Variants in PTPRS observed in about 807,000 individuals in gnomAD.
PTPRS encodes protein tyrosine phosphatase receptor type S.
PTPRS carries 63 observed loss-of-function variants against 215.3 expected under a neutral mutation model. That is an observed-to-expected ratio of 0.29 (90% CI 0.24 to 0.36). PTPRS has a LOEUF of 0.36. Among genes scored for constraint, PTPRS ranks in the 10% least tolerant of loss-of-function variants. The probability of loss-of-function intolerance (pLI) is 1.00; values close to 1 mark genes in which losing one functional copy is unlikely to be tolerated. For missense variants in PTPRS, 2,258 were observed against 2,825.8 expected (o/e 0.80, Z 4.56); for synonymous variants, 1,404 against 1,191.4 (o/e 1.18, Z -3.68).
intron 1 of PTPRS, among the ~76,000 whole-genome samples, chr19:5,329,151 C>T (rs886754898): frequency 1.3e-5 from 2 of 151,968 alleles, no homozygotes; most frequent in African/African-American, 4.8e-5. Context: ...AACAGAGCTC[C>T]CGGCAGAGCA....
At chr19:5,223,553 G>A (rs1228549803) in intron 17 of PTPRS, among the ~76,000 whole-genome samples, 13 of 115,396 alleles carry the variant, frequency 1.1e-4, no homozygotes, top group African/African-American at 4.1e-4. Flanking sequence ...ACCCAGCTGC[G>A]GTTGTGATTT....
intron 1 of PTPRS, among the ~76,000 whole-genome samples, chr19:5,312,591 A>T (rs1446031101): frequency 6.6e-6 from 1 of 152,154 alleles, no homozygotes; most frequent in African/African-American, 2.4e-5. Context: ...AGCCTAGGAG[A>T]TGGAGGCGGC....
chr19:5,315,099 A>G (rs1411991950), intron 1 of PTPRS, among the ~76,000 whole-genome samples: 1 of 151,736 alleles, frequency 6.6e-6, no homozygotes, highest in African/African-American at 2.4e-5. Flanking sequence ...CCTAGAACAC[A>G]CTTCCCTCCC....
At chr19:5,326,356 TC>T (rs2050166415) in intron 1 of PTPRS, among the ~76,000 whole-genome samples, 1 of 152,236 alleles carries the variant, frequency 6.6e-6, no homozygotes, top group South Asian at 2.1e-4. Context: ...GCTTCAGCTT[TC>T]AGCCTGGAAC....
At chr19:5,207,694 CA>C (rs2040490883) in intron 37 of PTPRS, among the ~76,000 whole-genome samples, 1 of 152,208 alleles carries the variant, frequency 6.6e-6, no homozygotes, top group Admixed American at 6.5e-5. Flanking sequence ...GCAATGAGCC[CA>C]TCTCTGTCCA....
chr19:5,294,964 T>C lies in PTPRS; in HGVS notation c.-94-8730A>G, dbSNP rs1234664377. On this transcript the variant is annotated intron_variant, in intron 1 of 37. Transcript: ENST00000262963. This position sits in a 1 kb window ranked among gnomAD's most constrained non-coding sequence, Gnocchi z 5.1. Reference sequence around the variant, plus strand: ...GAGGAGGCTGCCTGGTGCCCCAGCATCACCAAAGGCACACAGGAGGTTCCC... The same window carrying C: ...GAGGAGGCTGCCTGGTGCCCCAGCACCACCAAAGGCACACAGGAGGTTCCC... 2.0e-5 allele frequency among the ~76,000 whole-genome samples: 3 copies of C among 152,134 alleles called. No individual in the cohort carries two copies. The highest frequency in any genetic ancestry group is 2.4e-5 in the African/African-American group (1 of 41,422).
chr19:5,221,330 C>A (rs2041958575), intron 19 of PTPRS, 77 bp from the exon 20 acceptor site: 1 of 1,534,000 alleles, frequency 6.5e-7, no homozygotes, highest in South Asian at 1.3e-5. Context: ...GGATGAGTCC[C>A]CCACCCTGAC....
At chr19:5,239,136 G>C in intron 12 of PTPRS, 73 bp from the exon 13 acceptor site, 12 of 1,152,358 alleles carry the variant, frequency 1.0e-5, no homozygotes, top group South Asian at 9.4e-5. Flanking sequence ...AGGGGAGAGA[G>C]AGAGAGACAG....
At chr19:5,320,413 C>T (rs547341724) in intron 1 of PTPRS, among the ~76,000 whole-genome samples, 1 of 152,352 alleles carries the variant, frequency 6.6e-6, no homozygotes, top group East Asian at 1.9e-4. Flanking sequence ...GCCTGATAAA[C>T]ATCTAGCAAA....
At chr19:5,207,847 C>T in intron 37 of PTPRS, 75 bp downstream of exon 37, 3 of 1,574,504 alleles carry the variant, frequency 1.9e-6, no homozygotes, top group Non-Finnish European at 2.6e-6. Flanking sequence ...ACCCATCTCA[C>T]AGAGGAGGAA....
chr19:5,267,572 G>A (rs1308410817), intron 4 of PTPRS, among the ~76,000 whole-genome samples: 4 of 151,482 alleles, frequency 2.6e-5, no homozygotes, highest in East Asian at 1.9e-4. Context: ...CAGAAGAATC[G>A]CTTAAACCCA....
chr19:5,310,520 G>A lies in PTPRS; in HGVS notation c.-94-24286C>T, dbSNP rs527735954. Among the ~76,000 whole-genome samples, 12 of 151,980 alleles carry A rather than the reference G, an allele frequency of 7.9e-5. 1 individual carries two copies. Among genetic ancestry groups the A allele is most frequent in the African/African-American group, 2.9e-4 (12 of 41,454 alleles). On this transcript the variant is annotated intron_variant, in intron 1 of 37. Transcript: ENST00000262963. ...TTTAGTAGAGACAGGGTTTCACCAT[G>A]TTGGCCAGGCTGGTTTCAAACTCCT...
At position 5,237,520 on chromosome 19, in the gene PTPRS, C is replaced by T. The variant is rs530885806; in HGVS notation, c.1849+1399G>A. ...TCTCGGGAAGGGATGTGTGCAAAGA[C>T]GTGGATGTGCGTGCGTGGGCAGCGT... On this transcript the variant is annotated intron_variant, in intron 13 of 37. Coordinates refer to ENST00000262963, the MANE Select transcript of PTPRS (RefSeq NM_002850.4). The surrounding 1 kb of genome is among the most constrained non-coding windows in gnomAD (Gnocchi z 4.2). 2.0e-5 allele frequency among the ~76,000 whole-genome samples: 3 copies of T among 152,156 alleles called. No homozygotes were observed. Among genetic ancestry groups the T allele is most frequent in the Non-Finnish European group, 4.4e-5 (3 of 68,032 alleles).
At chr19:5,209,293 T>C (rs1458804516) in intron 35 of PTPRS, among the ~76,000 whole-genome samples, 1 of 152,162 alleles carries the variant, frequency 6.6e-6, no homozygotes, top group African/African-American at 2.4e-5. Flanking sequence ...TCTTCCATCC[T>C]TCACAACTCA....
intron 13 of PTPRS, among the ~76,000 whole-genome samples, chr19:5,231,951 G>A (rs1363176263): frequency 1.3e-5 from 2 of 152,218 alleles, no homozygotes; most frequent in African/African-American, 2.4e-5. Context: ...AGCAAGGGAA[G>A]CCCTTCTTAC....
At chr19:5,236,776 T>G (rs2043473914) in intron 13 of PTPRS, among the ~76,000 whole-genome samples, 1 of 150,306 alleles carries the variant, frequency 6.7e-6, no homozygotes, top group South Asian at 2.1e-4. Flanking sequence ...AAGGGAACCC[T>G]TCCCCATTTC....
In PTPRS at chr19:5,262,947, G is replaced by A. The variant is rs1254189762; in HGVS notation, c.577+17C>T. 7 of 1,582,306 alleles carry A rather than the reference G, an allele frequency of 4.4e-6. No individual in the cohort carries two copies. The highest frequency in any genetic ancestry group is 6.0e-6 in the Non-Finnish European group (7 of 1,160,888). On this transcript the variant is annotated intron_variant, in intron 6 of 37. Coordinates refer to ENST00000262963, the MANE Select transcript of PTPRS (RefSeq NM_002850.4). ...ATGGGGCGTTAGTTGTTGACGTGGT[G>A]ATGAAATCAGACTTACCAAAGGTTT...
chr19:5,263,303 C>T (rs1030312570), intron 5 of PTPRS, among the ~76,000 whole-genome samples: 3 of 152,034 alleles, frequency 2.0e-5, no homozygotes, highest in Non-Finnish European at 2.9e-5. Flanking sequence ...GGCGATTTGT[C>T]CCCCCAGTGT....
At position 5,231,462 on chromosome 19, in the gene PTPRS, G is replaced by A; in HGVS notation, c.2003C>T (p.Pro668Leu). The change falls in exon 14 of 38, where the codon CCC becomes CTC. Residue 668 changes from proline to leucine, a missense_variant. Physicochemically the swap from Pro to Leu is moderately conservative, Grantham distance 98. Around this residue, in one of 6 missense-constraint regions of PTPRS, gnomAD observed 371 missense variants for 446.7 expected, o/e 0.83. Coordinates refer to ENST00000262963, the MANE Select transcript of PTPRS (RefSeq NM_002850.4). ...YRPLGSEDPE[P>L]KEVNGIPPTT... ...CGGGGGGATGCCGTTCACCTCCTTG[G>A]GTTCCGGGTCCTCTGAGCCCAGCGG... 1 of 1,613,044 alleles carries A rather than the reference G, an allele frequency of 6.2e-7. No individual in the cohort carries two copies. Among genetic ancestry groups the A allele is most frequent in the Non-Finnish European group, 8.5e-7 (1 of 1,179,910 alleles).
Sources: allele counts gnomAD v4.1 joint callset (sites outside exome capture counted in the v4.1 genomes callset), GRCh38; gene constraint gnomAD v4.1.1; regional missense constraint gnomAD v4.1.1; non-coding constraint Gnocchi (gnomAD v3.1); transcripts MANE v1.5; gene names NCBI Gene and HGNC (gene_info 2026-07-23, HGNC 2026-07-21).